The following PPP1R12C variants were observed in gnomAD, a reference collection of about 807,000 sequenced individuals.
PPP1R12C encodes protein phosphatase 1 regulatory subunit 12C, also known as leukocyte receptor cluster (LRC) encoded novel gene 3.
A neutral mutation model predicts 95.6 loss-of-function variants in PPP1R12C; 48 were observed. The observed-to-expected ratio is 0.50, with a 90% confidence interval of 0.40 to 0.64. The LOEUF (loss-of-function observed/expected upper bound fraction) is 0.64, where lower values mean the gene tolerates loss of function less well. Ranked by LOEUF, PPP1R12C falls within the 30% of genes least tolerant of loss-of-function variation. The probability of loss-of-function intolerance (pLI) is 0.00; values close to 1 mark genes in which losing one functional copy is unlikely to be tolerated. For missense variants in PPP1R12C, 1,057 were observed against 1,083.3 expected (o/e 0.98, Z 0.34); for synonymous variants, 480 against 460.8 (o/e 1.04, Z -0.53).
In PPP1R12C at chr19:55,112,848, G is replaced by A. The variant is rs2085113316; in HGVS notation, c.322-53C>T. 13 of 1,603,548 alleles carry A rather than the reference G, an allele frequency of 8.1e-6. No homozygotes were observed. In the Admixed American group the frequency reaches 1.0e-4, roughly 12 times the overall value. ...CACCTACCCCAGCCACGGTGTCCCA[G>A]CAAGTCGGGACTCCAGAGGGAGCCA... is the stretch of plus-strand genomic sequence containing the variant. On this transcript the variant is annotated intron_variant, in intron 1 of 21. Transcript: ENST00000263433.
At chr19:55,116,784 G>C (rs148148757) in intron 1 of PPP1R12C, among the ~76,000 whole-genome samples, 1 of 152,156 alleles carries the variant, frequency 6.6e-6, no homozygotes, top group African/African-American at 2.4e-5. Context: ...GCTGGCTCAG[G>C]TTCAGGAGAG....
At chr19:55,092,372 T>TG (rs772533005) in intron 18 of PPP1R12C, 46 bp from the exon 19 acceptor site, 87 of 1,003,410 alleles carry the variant, frequency 8.7e-5, no homozygotes, top group Middle Eastern at 6.2e-4. Flanking sequence ...GGGGCGATGC[T>TG]GGGGGGGCGG....
chr19:55,095,113 C>T (rs1298850585), intron 11 of PPP1R12C, 178 bp downstream of exon 11: 7 of 766,736 alleles, frequency 9.1e-6, no homozygotes, highest in Admixed American at 2.4e-5. Flanking sequence ...GAGAAGGTGA[C>T]GTTTCAACAC....
intron 1 of PPP1R12C, chr19:55,114,709 A>C (rs1568822433): frequency 6.6e-6 from 1 of 152,112 alleles, no homozygotes; most frequent in East Asian, 1.9e-4. Context: ...ACCCCAGCCC[A>C]CCCCAATGCT....
Position 55,091,268 on chromosome 19 carries a change from G to A in PPP1R12C, c.*204C>T. 1.7e-6 allele frequency: 1 copy of A among 597,034 alleles called. No homozygotes were observed. The highest frequency in any genetic ancestry group is 3.0e-6 in the Non-Finnish European group (1 of 337,886). 37.0% of individuals were successfully genotyped at this position (597,034 alleles called of 1,614,324 possible). ...CCCTCTGGCAACGTCCCCCTGCTTG[G>A]CTCGGCCTCCCACCTCCATCCTGGC... On this transcript the variant is annotated 3_prime_UTR_variant, in exon 22 of 22. Coordinates refer to ENST00000263433, the MANE Select transcript of PPP1R12C (RefSeq NM_017607.4).
rs533800108 is a variant in PPP1R12C, at chr19:55,094,877, G to A, written c.1455-79C>T. ...ACTGGAGATGCAGCCGTGAGTGAAA[G>A]AAACAAATTATCTGGGCCACAACAG... On this transcript the variant is annotated intron_variant, in intron 11 of 21. Coordinates refer to ENST00000263433, the MANE Select transcript of PPP1R12C (RefSeq NM_017607.4). The A allele has an allele frequency of 4.1e-6, 6 of 1,467,804 alleles. No homozygotes were observed. The Admixed American group carries it at 5.9e-5, about 14-fold the overall frequency. 90.9% of individuals were successfully genotyped at this position (1,467,804 alleles called of 1,614,324 possible). A position where few individuals can be genotyped will look rare whatever the true frequency, so the allele number is the denominator to read the frequency against.
At chr19:55,116,048 C>T (rs1375777897) in intron 1 of PPP1R12C, among the ~76,000 whole-genome samples, 1 of 152,048 alleles carries the variant, frequency 6.6e-6, no homozygotes, top group Non-Finnish European at 1.5e-5. Flanking sequence ...TGAGAGGTGA[C>T]CCGAATCCAC....
intron 1 of PPP1R12C, chr19:55,114,594 C>T (rs2085134174): frequency 6.6e-6 from 1 of 152,240 alleles, no homozygotes; most frequent in South Asian, 2.1e-4. Flanking sequence ...CTAGGCTGTC[C>T]TGGGCAAACA....
At position 55,094,715 on chromosome 19, in the gene PPP1R12C, G is replaced by A; in HGVS notation, c.1538C>T (p.Pro513Leu). 1.9e-6 allele frequency: 3 copies of A among 1,610,150 alleles called. No individual in the cohort carries two copies. The highest frequency in any genetic ancestry group is 2.5e-6 in the Non-Finnish European group (3 of 1,179,126). Residue 513 changes from proline (P) to leucine (L), a missense_variant, in exon 12 of 22, where the codon CCA (proline) becomes CTA (leucine). Transcript: ENST00000263433. ...CGCCGTGGAGGCTGTGGGGACGTTTGGCTTCGCTGGGGATTCAGGCTCCGG... is the reference window on the plus strand; with the variant it reads ...CGCCGTGGAGGCTGTGGGGACGTTTAGCTTCGCTGGGGATTCAGGCTCCGG... The part of the protein sequence containing the change: ...RIPEPESPAK[P>L]NVPTASTAPP...
intron 6 of PPP1R12C, 100 bp downstream of exon 6, chr19:55,098,684 T>C (rs2084948780): frequency 7.0e-7 from 1 of 1,420,940 alleles, no homozygotes; most frequent in East Asian, 2.3e-5. Context: ...GCTGGGGTGG[T>C]GGGTGTCAGA....
chr19:55,116,583 GA>G (rs2085156348), intron 1 of PPP1R12C, among the ~76,000 whole-genome samples: 1 of 152,220 alleles, frequency 6.6e-6, no homozygotes, highest in African/African-American at 2.4e-5. Context: ...ACCTGCCTGG[GA>G]AGGGGAAACA....
intron 1 of PPP1R12C, chr19:55,113,502 G>T: frequency 7.0e-7 from 1 of 1,426,416 alleles, no homozygotes; most frequent in South Asian, 1.4e-5. Context: ...CTTCCCTTAG[G>T]GGTCCAAAAC....
chr19:55,097,983 C>T (rs1176320272), intron 6 of PPP1R12C, among the ~76,000 whole-genome samples: 2 of 152,216 alleles, frequency 1.3e-5, no homozygotes, highest in Non-Finnish European at 2.9e-5. Flanking sequence ...ACACTTGCCC[C>T]CCAGCCTGTG....
intron 4 of PPP1R12C, among the ~76,000 whole-genome samples, chr19:55,102,359 C>G (rs8109370): frequency 1.3e-5 from 2 of 152,174 alleles, no homozygotes; most frequent in African/African-American, 2.4e-5. Context: ...GCTAGAAATA[C>G]GAGTTAGCCA....
At chr19:55,098,704 G>A (rs1000883575) in intron 6 of PPP1R12C, 80 bp downstream of exon 6, 109 of 1,551,368 alleles carry the variant, frequency 7.0e-5, no homozygotes, top group Non-Finnish European at 9.0e-5. Flanking sequence ...AAGTCGGGGG[G>A]GTTCCCCCTC....
intron 6 of PPP1R12C, among the ~76,000 whole-genome samples, chr19:55,098,426 T>C (rs977998477): frequency 6.6e-6 from 1 of 152,184 alleles, no homozygotes; most frequent in Non-Finnish European, 1.5e-5. Flanking sequence ...GGGGACACCT[T>C]GTGGGTGACC....
chr19:55,100,327 C>T (rs576693806), intron 4 of PPP1R12C, among the ~76,000 whole-genome samples: 3 of 152,346 alleles, frequency 2.0e-5, no homozygotes, highest in South Asian at 4.1e-4. Flanking sequence ...ATTTTTGGTT[C>T]TCACAACCAG....
chr19:55,098,999 G>A lies in PPP1R12C; in HGVS notation c.828C>T (p.Cys276=). The change falls in exon 5 of 22, where the codon TGC becomes TGT. Residue 276 remains cysteine, a synonymous_variant. Coordinates refer to ENST00000263433, the MANE Select transcript of PPP1R12C (RefSeq NM_017607.4). The part of the protein sequence containing the change: ...AAAHWGVEDA[C]RLLAEHGGGM... Reference sequence around the variant, plus strand: ...CCCCGCCATGCTCGGCCAGCAGGCGGCAGGCATCCTCCACGCCCCAGTGTG... The same window carrying A: ...CCCCGCCATGCTCGGCCAGCAGGCGACAGGCATCCTCCACGCCCCAGTGTG... 1 of 1,558,994 alleles carries A rather than the reference G, an allele frequency of 6.4e-7. No homozygotes were observed. Among genetic ancestry groups the A allele is most frequent in the African/African-American group, 1.4e-5 (1 of 73,652 alleles).
At chr19:55,095,399 G>T in intron 10 of PPP1R12C, 41 bp from the exon 11 acceptor site, 1 of 1,567,178 alleles carries the variant, frequency 6.4e-7, no homozygotes. Flanking sequence ...CAGTTCCCTC[G>T]ACTGGGCAGG....
Sources: gnomAD v4.1 joint callset for allele counts (sites outside exome capture counted in the v4.1 genomes callset) on GRCh38, gnomAD v4.1.1 for gene constraint, MANE v1.5 for transcripts, NCBI Gene and HGNC (gene_info 2026-07-23, HGNC 2026-07-21) for gene names.